The following ITGA9 variants were observed in gnomAD, a reference collection of about 807,000 sequenced individuals.
ITGA9 encodes integrin alpha-9.
In ITGA9, 56 loss-of-function variants were observed where a neutral mutation model predicts 127.8. The observed-to-expected ratio is 0.44, with a 90% CI of 0.35 to 0.55. The LOEUF is 0.55. Ranked by LOEUF, ITGA9 falls within the 20% of genes least tolerant of loss-of-function variation. The pLI is 0.00. For missense variants in ITGA9, 1,196 were observed against 1,347.1 expected (o/e 0.89, Z 1.76); for synonymous variants, 508 against 514.5 (o/e 0.99, Z 0.17).
intron 15 of ITGA9, among the ~76,000 whole-genome samples, chr3:37,628,379 G>A (rs1290008079): frequency 1.3e-5 from 2 of 152,130 alleles, no homozygotes; most frequent in Non-Finnish European, 2.9e-5. Context: ...AGGCAGTGAC[G>A]CTGTGTGCAG....
intron 15 of ITGA9, among the ~76,000 whole-genome samples, chr3:37,542,979 A>T (rs925193126): frequency 2.0e-5 from 3 of 152,160 alleles, no homozygotes; most frequent in African/African-American, 7.2e-5. Context: ...TCAGTGGTCT[A>T]CTACAAATTA....
At chr3:37,608,862 A>T (rs1050961742) in intron 15 of ITGA9, among the ~76,000 whole-genome samples, 4 of 152,108 alleles carry the variant, frequency 2.6e-5, no homozygotes, top group Admixed American at 6.6e-5. Flanking sequence ...ACCTAGTGTT[A>T]TCTGTCTCAG....
At chr3:37,624,841 A>G (rs1700161830) in intron 15 of ITGA9, among the ~76,000 whole-genome samples, 1 of 152,150 alleles carries the variant, frequency 6.6e-6, no homozygotes, top group Non-Finnish European at 1.5e-5. Context: ...TTCTGACCTC[A>G]GGTCATCCGC....
intron 15 of ITGA9, 108 bp downstream of exon 15, chr3:37,542,693 T>G (rs960506746): frequency 8.6e-7 from 1 of 1,160,228 alleles, no homozygotes; most frequent in Non-Finnish European, 1.3e-6. Context: ...TTCCAAAATT[T>G]TATTTCACAG....
chr3:37,700,430 T>A, intron 18 of ITGA9, among the ~76,000 whole-genome samples: 1 of 152,202 alleles, frequency 6.6e-6, no homozygotes, highest in East Asian at 1.9e-4. Context: ...CTTGGCTCAC[T>A]GCAACCTCCA....
intron 4 of ITGA9, among the ~76,000 whole-genome samples, chr3:37,490,113 G>T (rs1027213443): frequency 6.6e-6 from 1 of 152,144 alleles, no homozygotes; most frequent in Admixed American, 6.5e-5. Flanking sequence ...GGTGACTCAG[G>T]ATGATTTGGG....
intron 16 of ITGA9, among the ~76,000 whole-genome samples, chr3:37,641,090 C>T (rs964871839): frequency 2.6e-5 from 4 of 152,218 alleles, no homozygotes; most frequent in East Asian, 1.9e-4. Context: ...GTGGGCTCCC[C>T]GGTGGGACGC....
At chr3:37,493,443 C>G (rs1559519805) in intron 4 of ITGA9, among the ~76,000 whole-genome samples, 1 of 152,198 alleles carries the variant, frequency 6.6e-6, no homozygotes, top group African/African-American at 2.4e-5. Context: ...TGGAAGGTCT[C>G]CAGCAATGTC....
At chr3:37,790,426 C>T (rs1056788472) in intron 26 of ITGA9, 6 of 442,406 alleles carry the variant, frequency 1.4e-5, no homozygotes, top group East Asian at 1.3e-4. Flanking sequence ...CCTGATCCTG[C>T]GAGTCACTGC....
intron 17 of ITGA9, 146 bp downstream of exon 17, chr3:37,653,936 T>C (rs2125647579): frequency 3.0e-6 from 2 of 677,798 alleles, no homozygotes; most frequent in East Asian, 5.5e-5. Context: ...TAAAAAAATG[T>C]ATGTTACAAA....
intron 15 of ITGA9, among the ~76,000 whole-genome samples, chr3:37,568,705 T>C (rs1699572712): frequency 6.6e-6 from 1 of 152,230 alleles, no homozygotes; most frequent in African/African-American, 2.4e-5. Context: ...CCAGTCTCTT[T>C]GCTAAAACAG....
At chr3:37,707,431 A>G (rs956613279) in intron 18 of ITGA9, among the ~76,000 whole-genome samples, 11 of 152,216 alleles carry the variant, frequency 7.2e-5, no homozygotes, top group African/African-American at 2.6e-4. Flanking sequence ...TGTTCTTCTT[A>G]TATTTCTTTT....
intron 17 of ITGA9, among the ~76,000 whole-genome samples, chr3:37,667,129 C>T (rs1042802683): frequency 2.6e-5 from 4 of 152,072 alleles, no homozygotes; most frequent in South Asian, 2.1e-4. Flanking sequence ...CTCCTGTACC[C>T]GCTTTCTTAA....
Position 37,814,866 on chromosome 3 carries a change from A to G in ITGA9, c.3010-4025A>G, listed in dbSNP as rs1206629544. Among the ~76,000 whole-genome samples the G allele has an allele frequency of 6.6e-6, 1 of 152,166 alleles. No individual in the cohort carries two copies. The highest frequency in any genetic ancestry group is 1.5e-5 in the Non-Finnish European group (1 of 68,026). ...GTACCTACAACTCCCTAGCCATGAG[A>G]GTGCATTATGTTTTAAGAAATGGTC... On this transcript the variant is annotated intron_variant, in intron 27 of 27. Coordinates refer to ENST00000264741, the MANE Select transcript of ITGA9 (RefSeq NM_002207.3). The surrounding 1 kb of genome is among the most constrained non-coding windows in gnomAD (Gnocchi z 4.3).
chr3:37,751,558 C>G (rs1453078261), intron 23 of ITGA9, among the ~76,000 whole-genome samples: 1 of 152,146 alleles, frequency 6.6e-6, no homozygotes, highest in Non-Finnish European at 1.5e-5. Flanking sequence ...ATTTAAGTCA[C>G]TCAGATTCTG....
intron 9 of ITGA9, 61 bp from the exon 10 acceptor site, chr3:37,517,443 T>C (rs979902391): frequency 1.6e-6 from 2 of 1,276,672 alleles, no homozygotes; most frequent in Non-Finnish European, 2.2e-6. Flanking sequence ...TATTGATTTT[T>C]ATTGTTTGTT....
Position 37,495,047 on chromosome 3 carries a change from C to T in ITGA9, c.612+479C>T, listed in dbSNP as rs58335610. ...GGAGTGCAGTGGCATGATCTCGGCT[C>T]ACTGCAATCTCCGCCTCCTGGGTTC... On this transcript the variant is annotated intron_variant, in intron 5 of 27. Transcript: ENST00000264741. Among the ~76,000 whole-genome samples, 634 of 152,266 alleles carry T rather than the reference C, an allele frequency of 4.2e-3. 5 individuals carry two copies. The highest frequency in any genetic ancestry group is 0.014 in the African/African-American group (583 of 41,542).
intron 16 of ITGA9, among the ~76,000 whole-genome samples, chr3:37,653,429 C>T (rs1189525599): frequency 2.6e-5 from 4 of 152,170 alleles, no homozygotes; most frequent in Non-Finnish European, 5.9e-5. Context: ...TCCACCACCA[C>T]GTACCTCTCT....
intron 21 of ITGA9, 42 bp from the exon 22 acceptor site, chr3:37,743,884 A>G (rs1696467702): frequency 3.0e-6 from 4 of 1,346,952 alleles, no homozygotes; most frequent in Non-Finnish European, 4.3e-6. Flanking sequence ...TGGGTGCTTG[A>G]CTGTGGGTGG....
Sources: gnomAD v4.1 joint callset for allele counts (sites outside exome capture counted in the v4.1 genomes callset) on GRCh38, gnomAD v4.1.1 for gene constraint, Gnocchi (gnomAD v3.1) non-coding constraint, MANE v1.5 for transcripts, NCBI Gene and HGNC (gene_info 2026-07-23, HGNC 2026-07-21) for gene names.